The following NLRC4 variants were observed in gnomAD, a reference collection of about 807,000 sequenced individuals.
The protein encoded by NLRC4 is NLR family CARD domain containing 4, also known as NLR family CARD domain-containing protein 4.
In NLRC4, 63 loss-of-function variants were observed where a neutral mutation model predicts 79.9. That is an observed-to-expected ratio of 0.79 (90% confidence interval 0.64 to 0.97). The LOEUF is 0.97. Ranked by LOEUF, NLRC4 falls within the 50% of genes least tolerant of loss-of-function variation. NLRC4 has a pLI of 0.00. For synonymous variants in NLRC4, 461 were observed against 456.5 expected (o/e 1.01, Z -0.12); for missense variants, 1,074 against 1,215.2 (o/e 0.88, Z 1.73).
intron 1 of NLRC4, among the ~76,000 whole-genome samples, chr2:32,261,328 T>TTTTTTTTTTTTTTTTTTTTTTTTTTTG (rs1553348967): frequency 8.6e-6 from 1 of 116,488 alleles, no homozygotes; most frequent in Admixed American, 9.2e-5. Flanking sequence ...TTTGTTTTTT[T>TTTTTTTTTTTTTTTTTTTTTTTTTTTG]TTGAGATGGA....
In NLRC4 at chr2:32,251,583, G is replaced by A. The variant is rs764987185; in HGVS notation, c.281C>T (p.Ser94Leu). The change falls in exon 4 of 9, where the codon TCA becomes TTA. Residue 94 changes from serine (S) to leucine (L), a missense_variant. By Grantham distance (145) the Ser-to-Leu change is moderately radical (BLOSUM62 -2). Coordinates refer to ENST00000402280, the MANE Select transcript of NLRC4 (RefSeq NM_001199138.2). Reference protein sequence around the residue: ...LNGQSLFHQTSEGDLDDLAQD... With the variant: ...LNGQSLFHQTLEGDLDDLAQD... Reference sequence around the variant, plus strand: ...AGCCAAATCGTCCAAGTCTCCTTCTGATGTCTGATGAAAAAGACCTATTAG... The same window carrying A: ...AGCCAAATCGTCCAAGTCTCCTTCTAATGTCTGATGAAAAAGACCTATTAG... 5.8e-5 allele frequency: 92 copies of A among 1,597,378 alleles called. No homozygotes were observed. Among genetic ancestry groups the A allele is most frequent in the Non-Finnish European group, 7.5e-5 (88 of 1,172,454 alleles).
intron 5 of NLRC4, among the ~76,000 whole-genome samples, chr2:32,238,837 T>C (rs2148935428): frequency 6.6e-6 from 1 of 152,290 alleles, no homozygotes; most frequent in Non-Finnish European, 1.5e-5. Flanking sequence ...AAGATTTACC[T>C]TATATCAACA....
At chr2:32,226,839 C>T (rs144595481) in intron 8 of NLRC4, among the ~76,000 whole-genome samples, 2,227 of 151,980 alleles carry the variant, frequency 0.015, 28 homozygotes, top group Non-Finnish European at 0.02. Flanking sequence ...GAGATCACAC[C>T]ATTGCACTCC....
At position 32,252,674 on chromosome 2, in the gene NLRC4, A is replaced by T; in HGVS notation, c.7T>A (p.Phe3Ile). The change falls in exon 3 of 9, where the codon TTC becomes ATC. Residue 3 changes from phenylalanine to isoleucine, a missense_variant. Transcript: ENST00000402280. The stretch of plus-strand genomic sequence containing the variant: ...AGGGCTCGGCTATTGTCCTTTATGA[A>T]ATTCACTGAGGAGATGGGGAGAAAT... MN[F>I]IKDNSRALIQ... 1 of 1,612,526 alleles carries T rather than the reference A, an allele frequency of 6.2e-7. No individual in the cohort carries two copies. The highest frequency in any genetic ancestry group is 8.5e-7 in the Non-Finnish European group (1 of 1,178,596).
At chr2:32,240,811 G>T (rs1686782172) in intron 5 of NLRC4, among the ~76,000 whole-genome samples, 1 of 152,132 alleles carries the variant, frequency 6.6e-6, no homozygotes, top group Non-Finnish European at 1.5e-5. Flanking sequence ...CACGTCAGGG[G>T]CTCTCTTCCC....
chr2:32,239,600 A>G (rs909342613), intron 5 of NLRC4, among the ~76,000 whole-genome samples: 1 of 152,236 alleles, frequency 6.6e-6, no homozygotes, highest in Non-Finnish European at 1.5e-5. Flanking sequence ...GGAATGAGGT[A>G]TATAAAACTG....
At chr2:32,229,661 A>G (rs1351515062) in intron 8 of NLRC4, among the ~76,000 whole-genome samples, 1 of 152,238 alleles carries the variant, frequency 6.6e-6, no homozygotes, top group Non-Finnish European at 1.5e-5. Context: ...AAGGAAAACT[A>G]GAAACATTTA....
At chr2:32,235,306 G>T in intron 8 of NLRC4, 95 bp downstream of exon 8, 1 of 850,476 alleles carries the variant, frequency 1.2e-6, no homozygotes. Flanking sequence ...AAAAGAGGAA[G>T]CAAAATAAAA....
At chr2:32,244,223 C>A (rs1175088573) in intron 4 of NLRC4, among the ~76,000 whole-genome samples, 1 of 152,112 alleles carries the variant, frequency 6.6e-6, no homozygotes, top group African/African-American at 2.4e-5. Context: ...GCACTCCAGC[C>A]TGGGTGACAG....
At position 32,251,566 on chromosome 2, in the gene NLRC4, C is replaced by T. The variant is rs149157799; in HGVS notation, c.298G>A (p.Asp100Asn). The T allele has an allele frequency of 9.5e-5, 152 of 1,608,422 alleles. No homozygotes were observed. In the African/African-American group the frequency reaches 1.8e-3, roughly 19 times the overall value. ...AAGTCCTTTAAATCCTGAGCCAAATCGTCCAAGTCTCCTTCTGATGTCTGA... is the reference window on the plus strand; with the variant it reads ...AAGTCCTTTAAATCCTGAGCCAAATTGTCCAAGTCTCCTTCTGATGTCTGA... ...FHQTSEGDLDDLAQDLKDLYH... is the reference protein window; with the variant it reads ...FHQTSEGDLDNLAQDLKDLYH... Residue 100 changes from aspartate to asparagine, a missense_variant, in exon 4 of 9, where the codon GAT becomes AAT. By Grantham distance (23) the Asp-to-Asn change is conservative. Coordinates refer to ENST00000402280, the MANE Select transcript of NLRC4 (RefSeq NM_001199138.2).
At chr2:32,256,986 T>C (rs1687221579) in intron 1 of NLRC4, 93 bp from the exon 2 acceptor site, 10 of 506,936 alleles carry the variant, frequency 2.0e-5, no homozygotes, top group East Asian at 6.0e-5. Flanking sequence ...GATGAGAAAA[T>C]GGTGACCCAA....
intron 8 of NLRC4, among the ~76,000 whole-genome samples, chr2:32,229,957 T>G (rs190802460): frequency 2.8e-4 from 42 of 152,148 alleles, no homozygotes; most frequent in Non-Finnish European, 4.6e-4. Context: ...AGAGGAGAGA[T>G]AGAATGATAA....
intron 5 of NLRC4, among the ~76,000 whole-genome samples, chr2:32,239,613 G>A (rs942279880): frequency 2.0e-5 from 3 of 152,220 alleles, no homozygotes; most frequent in South Asian, 2.1e-4. Context: ...TAAAACTGCC[G>A]AGGCTAGTGT....
rs539906869 is a variant in NLRC4 at position 32,249,651 on chromosome 2, A to G, written c.2213T>C (p.Leu738Pro). The G allele has an allele frequency of 6.2e-7, 1 of 1,611,240 alleles. No homozygotes were observed. The highest frequency in any genetic ancestry group is 2.2e-5 in the East Asian group (1 of 44,858). ...DERHITSVTN[L>P]KTLSIHDLQN... ...TAGGTCATGAATACTCAAGGTTTTC[A>G]GGTTTGTTACAGATGTGATGTGCCT... The change falls in exon 4 of 9, where the codon CTG (leucine) becomes CCG (proline). Residue 738 changes from leucine (L) to proline (P), a missense_variant. By Grantham distance (98) the Leu-to-Pro change is moderately conservative. Coordinates refer to ENST00000402280, the MANE Select transcript of NLRC4 (RefSeq NM_001199138.2).
chr2:32,253,665 T>C (rs937734763), intron 2 of NLRC4, among the ~76,000 whole-genome samples: 1 of 152,004 alleles, frequency 6.6e-6, no homozygotes, highest in Non-Finnish European at 1.5e-5. Context: ...TTTGAGTCTA[T>C]TTCAATTACG....
At chr2:32,248,362 C>G (rs1214836221) in intron 4 of NLRC4, among the ~76,000 whole-genome samples, 3 of 152,154 alleles carry the variant, frequency 2.0e-5, no homozygotes, top group Admixed American at 1.3e-4. Flanking sequence ...TCATTATACT[C>G]CCTCTCTTGT....
intron 5 of NLRC4, among the ~76,000 whole-genome samples, 196 bp from the exon 6 acceptor site, chr2:32,238,498 C>G (rs114531678): frequency 1.3e-5 from 2 of 152,116 alleles, no homozygotes; most frequent in South Asian, 2.1e-4. Context: ...TTGGACCACA[C>G]AAAAAATCAC....
intron 1 of NLRC4, among the ~76,000 whole-genome samples, chr2:32,258,890 T>A (rs576961755): frequency 7.9e-5 from 12 of 152,166 alleles, no homozygotes; most frequent in Non-Finnish European, 1.3e-4. Flanking sequence ...CATACACACA[T>A]ACACGACCCC....
intron 1 of NLRC4, among the ~76,000 whole-genome samples, chr2:32,258,211 G>C (rs1687253717): frequency 6.6e-6 from 1 of 152,178 alleles, no homozygotes; most frequent in African/African-American, 2.4e-5. Context: ...ATGGCCTGCT[G>C]GCGTGCCGAT....
Sources: allele counts gnomAD v4.1 joint callset (sites outside exome capture counted in the v4.1 genomes callset), GRCh38; gene constraint gnomAD v4.1.1; transcripts MANE v1.5; gene names NCBI Gene and HGNC (gene_info 2026-07-23, HGNC 2026-07-21).